Variants in EIPR1 observed in about 807,000 individuals in gnomAD.
EIPR1 encodes the protein EARP and GARP complex-interacting protein 1.
A neutral mutation model predicts 48.1 loss-of-function variants in EIPR1; 25 were observed. That is an observed-to-expected ratio of 0.52 (90% CI 0.38 to 0.73). EIPR1 has a LOEUF of 0.73. EIPR1 is among the 30% of genes least tolerant of loss of function. EIPR1 has a pLI of 0.00. For missense variants in EIPR1, 415 were observed against 506.2 expected, an observed-to-expected ratio of 0.82 and a Z score of 1.73; for synonymous variants, 204 against 201.9, an observed-to-expected ratio of 1.01 and a Z score of -0.09.
In EIPR1 at chr2:3,228,600, G is replaced by A. The variant is rs77265862; in HGVS notation, c.417-14352C>T. ...TGTGAGGACGTAAGATCTGGGAGGC[G>A]GAAGGCGCAGAATGATATGGTTTGG... On this transcript the variant is annotated intron_variant, in intron 4 of 8. Transcript: ENST00000382125. Among the ~76,000 whole-genome samples the A allele has an allele frequency of 7.4e-3, 1,132 of 152,258 alleles. 13 individuals are homozygous for A. Among genetic ancestry groups the A allele is most frequent in the African/African-American group, 0.026 (1,088 of 41,542 alleles).
intron 3 of EIPR1, among the ~76,000 whole-genome samples, chr2:3,328,928 C>T (rs1432484056): frequency 5.3e-5 from 7 of 131,620 alleles, no homozygotes; most frequent in South Asian, 2.5e-4. Context: ...AATCAGAGCC[C>T]ACCTACCACG....
At chr2:3,217,807 C>T (rs1021670208) in intron 4 of EIPR1, among the ~76,000 whole-genome samples, 6 of 152,254 alleles carry the variant, frequency 3.9e-5, no homozygotes, top group Admixed American at 2.0e-4. Context: ...GGGCCCCACC[C>T]GAGAATCTTC....
intron 4 of EIPR1, among the ~76,000 whole-genome samples, chr2:3,238,829 G>A (rs867810899): frequency 3.3e-5 from 5 of 152,198 alleles, no homozygotes; most frequent in Admixed American, 6.5e-5. Context: ...CAGACAAGAC[G>A]GGCAAGGACA....
chr2:3,265,434 C>CA (rs1249209563), intron 3 of EIPR1, among the ~76,000 whole-genome samples: 1 of 152,124 alleles, frequency 6.6e-6, no homozygotes, highest in African/African-American at 2.4e-5. Flanking sequence ...GTGTGGATCC[C>CA]AACAGTGTTC....
intron 4 of EIPR1, among the ~76,000 whole-genome samples, chr2:3,250,990 GCAAA>G (rs1666985821): frequency 6.6e-6 from 1 of 151,816 alleles, no homozygotes; most frequent in African/African-American, 2.4e-5. Context: ...TTATAGCAAT[GCAAA>G]CAGACTAACA....
chr2:3,195,884 C>T (rs1324167103), intron 6 of EIPR1, among the ~76,000 whole-genome samples: 3 of 152,190 alleles, frequency 2.0e-5, no homozygotes, highest in Non-Finnish European at 4.4e-5. Flanking sequence ...CAGATGTCAC[C>T]CATCAAAGCC....
At chr2:3,198,152 A>T (rs1664875326) in intron 5 of EIPR1, among the ~76,000 whole-genome samples, 1 of 152,176 alleles carries the variant, frequency 6.6e-6, no homozygotes. Flanking sequence ...GGCAGTTCCC[A>T]GTGAGAAATA....
intron 3 of EIPR1, among the ~76,000 whole-genome samples, chr2:3,300,261 C>A (rs894063323): frequency 1.3e-5 from 2 of 152,140 alleles, no homozygotes; most frequent in Non-Finnish European, 2.9e-5. Context: ...CTATTTGGTC[C>A]ATTAAAACGA....
chr2:3,242,163 C>T (rs1283612222), intron 4 of EIPR1, among the ~76,000 whole-genome samples: 1 of 151,790 alleles, frequency 6.6e-6, no homozygotes, highest in South Asian at 2.1e-4. Flanking sequence ...TTCAGGCCCC[C>T]GACTCCACAC....
At chr2:3,201,210 C>T (rs1341855122) in intron 5 of EIPR1, among the ~76,000 whole-genome samples, 2 of 152,202 alleles carry the variant, frequency 1.3e-5, no homozygotes, top group Non-Finnish European at 2.9e-5. Flanking sequence ...GCCGGGAACA[C>T]CAGGGCCTGA....
chr2:3,254,326 A>C (rs1667090203), intron 4 of EIPR1, among the ~76,000 whole-genome samples: 1 of 152,136 alleles, frequency 6.6e-6, no homozygotes, highest in South Asian at 2.1e-4. Flanking sequence ...CACAAAACTA[A>C]CTGAGCCGAG....
chr2:3,230,333 C>T (rs1666203260), intron 4 of EIPR1, among the ~76,000 whole-genome samples: 1 of 152,118 alleles, frequency 6.6e-6, no homozygotes, highest in Non-Finnish European at 1.5e-5. Flanking sequence ...ATGACATTTT[C>T]TTACTCTTTG....
At chr2:3,287,962 A>G (rs1452172879) in intron 3 of EIPR1, among the ~76,000 whole-genome samples, 1 of 152,224 alleles carries the variant, frequency 6.6e-6, no homozygotes, top group African/African-American at 2.4e-5. Context: ...AGTAAGGAGT[A>G]GGCTGCCTGC....
intron 2 of EIPR1, among the ~76,000 whole-genome samples, chr2:3,349,839 T>C (rs1282515895): frequency 1.3e-5 from 2 of 152,084 alleles, no homozygotes; most frequent in Non-Finnish European, 2.9e-5. Context: ...AAGAACTACC[T>C]GAGGCCAGGT....
intron 4 of EIPR1, among the ~76,000 whole-genome samples, chr2:3,220,181 A>G (rs1665829608): frequency 6.6e-6 from 1 of 152,198 alleles, no homozygotes; most frequent in Non-Finnish European, 1.5e-5. Context: ...TGCTGAAAAT[A>G]TTGGGGACCA....
At chr2:3,303,912 T>A (rs1668834964) in intron 3 of EIPR1, among the ~76,000 whole-genome samples, 1 of 152,224 alleles carries the variant, frequency 6.6e-6, no homozygotes, top group Admixed American at 6.5e-5. Flanking sequence ...CTGTTAAAAA[T>A]CTTATACAGT....
chr2:3,290,361 G>A (rs1408207332), intron 3 of EIPR1, among the ~76,000 whole-genome samples: 1 of 151,580 alleles, frequency 6.6e-6, no homozygotes, highest in Non-Finnish European at 1.5e-5. Context: ...AATACAAAAG[G>A]AAGAGTCCTT....
At chr2:3,362,673 A>G (rs1214239604) in intron 1 of EIPR1, among the ~76,000 whole-genome samples, 1 of 151,784 alleles carries the variant, frequency 6.6e-6, no homozygotes, top group Non-Finnish European at 1.5e-5. Context: ...AAGGAGAAGA[A>G]AAAACAGAAA....
chr2:3,200,346 A>T (rs1664986371), intron 5 of EIPR1, among the ~76,000 whole-genome samples: 1 of 152,190 alleles, frequency 6.6e-6, no homozygotes, highest in Non-Finnish European at 1.5e-5. Flanking sequence ...CAGGAAGTCA[A>T]AGGATGTCTC....
Sources: gnomAD v4.1 joint callset for allele counts (sites outside exome capture counted in the v4.1 genomes callset) on GRCh38, gnomAD v4.1.1 for gene constraint, MANE v1.5 for transcripts, NCBI Gene and HGNC (gene_info 2026-07-23, HGNC 2026-07-21) for gene names.